The following HEATR5A variants were observed in gnomAD, a reference collection of about 807,000 sequenced individuals.
HEATR5A encodes the protein HEAT repeat-containing protein 5A.
In HEATR5A, 178 loss-of-function variants were observed where a neutral mutation model predicts 218.8. The observed-to-expected ratio is 0.81, with a 90% CI of 0.72 to 0.92. The LOEUF (loss-of-function observed/expected upper bound fraction) is 0.92, where lower values mean the gene tolerates loss of function less well. HEATR5A is among the 40% of genes least tolerant of loss of function. HEATR5A has a pLI of 0.00. For missense variants in HEATR5A, 2,420 were observed against 2,418.9 expected, an observed-to-expected ratio of 1.00 and a Z score of -0.01; for synonymous variants, 864 against 871.6, an observed-to-expected ratio of 0.99 and a Z score of 0.15.
At chr14:31,329,356 A>G (rs1280289936) in intron 22 of HEATR5A, among the ~76,000 whole-genome samples, 1 of 152,202 alleles carries the variant, frequency 6.6e-6, no homozygotes, top group Non-Finnish European at 1.5e-5. Context: ...GAGCCTGTAA[A>G]ATCAAAAGCA....
At chr14:31,401,098 C>T (rs1412904238) in intron 2 of HEATR5A, among the ~76,000 whole-genome samples, 1 of 152,106 alleles carries the variant, frequency 6.6e-6, no homozygotes, top group Non-Finnish European at 1.5e-5. Flanking sequence ...CTCGGCCTCC[C>T]AAAGTGCTGG....
chr14:31,412,789 G>A (rs1014701016), intron 1 of HEATR5A, among the ~76,000 whole-genome samples: 1 of 151,944 alleles, frequency 6.6e-6, no homozygotes, highest in Non-Finnish European at 1.5e-5. Flanking sequence ...CAGGAGAATC[G>A]CTTGAACCTG....
At chr14:31,397,173 T>C (rs1006131750) in intron 4 of HEATR5A, among the ~76,000 whole-genome samples, 2 of 152,292 alleles carry the variant, frequency 1.3e-5, no homozygotes, top group African/African-American at 4.8e-5. Flanking sequence ...CTTCTTAAAA[T>C]TTAACCTATT....
Position 31,418,281 on chromosome 14 carries a change from T to A in HEATR5A, c.-75+2191A>T, listed in dbSNP as rs118168015. Among the ~76,000 whole-genome samples, 71 of 152,286 alleles carry A rather than the reference T, an allele frequency of 4.7e-4. No homozygotes were observed. In the East Asian group the frequency reaches 7.9e-3, roughly 17 times the overall value. On this transcript the variant is annotated intron_variant, in intron 1 of 35. Transcript: ENST00000543095. Reference sequence around the variant, plus strand: ...TAATCTATTTCCTCCTACAAAAGATTTAGTGATTAAGCACTTAAGAGCTCT... The same window carrying A: ...TAATCTATTTCCTCCTACAAAAGATATAGTGATTAAGCACTTAAGAGCTCT...
chr14:31,387,351 G>A lies in HEATR5A; in HGVS notation c.958C>T (p.Leu320=), dbSNP rs1368158377. 2 of 1,613,118 alleles carry A rather than the reference G, an allele frequency of 1.2e-6. No homozygotes were observed. Among genetic ancestry groups the A allele is most frequent in the Non-Finnish European group, 1.7e-6 (2 of 1,179,278 alleles). Residue 320 remains leucine, a synonymous_variant, in exon 8 of 36, where the codon CTA becomes TTA. Transcript: ENST00000543095. Reference sequence around the variant, plus strand: ...TTTTTCTCTAGCCAAGCTCCTCCTAGTGTTGAAACAAATACCACATAAGCC... The same window carrying A: ...TTTTTCTCTAGCCAAGCTCCTCCTAATGTTGAAACAAATACCACATAAGCC... ...TQAYVVFVST[L]GGAWLEKNFA...
At chr14:31,379,243 G>A (rs1412585479) in intron 11 of HEATR5A, among the ~76,000 whole-genome samples, 2 of 138,328 alleles carry the variant, frequency 1.4e-5, no homozygotes, top group Admixed American at 7.5e-5. Flanking sequence ...CACTGCGCCC[G>A]AACTATTCAT....
At chr14:31,297,976 A>C (rs565443133) in intron 33 of HEATR5A, among the ~76,000 whole-genome samples, 9 of 152,176 alleles carry the variant, frequency 5.9e-5, no homozygotes, top group Non-Finnish European at 1.2e-4. Context: ...TGTTTAGTAA[A>C]AATGTCTTTA....
intron 24 of HEATR5A, among the ~76,000 whole-genome samples, chr14:31,322,708 A>G (rs569366583): frequency 6.6e-6 from 1 of 151,606 alleles, no homozygotes; most frequent in East Asian, 1.9e-4. Context: ...TGTCCCAGCT[A>G]CTCGGGAGGC....
chr14:31,397,534 C>T (rs759954276), intron 4 of HEATR5A, among the ~76,000 whole-genome samples: 17 of 151,940 alleles, frequency 1.1e-4, no homozygotes, highest in Admixed American at 2.0e-4. Flanking sequence ...TGGCACGCGC[C>T]TGTAATCCCA....
chr14:31,317,656 A>G (rs1255614898), intron 26 of HEATR5A, among the ~76,000 whole-genome samples: 3 of 152,212 alleles, frequency 2.0e-5, no homozygotes, highest in Non-Finnish European at 2.9e-5. Context: ...TTAAAATTGT[A>G]TATTGTATGG....
chr14:31,414,933 C>A (rs923248737), intron 1 of HEATR5A, among the ~76,000 whole-genome samples: 1 of 152,142 alleles, frequency 6.6e-6, no homozygotes, highest in Non-Finnish European at 1.5e-5. Flanking sequence ...CTCTGCCTCC[C>A]AGGTTCCAGT....
At chr14:31,310,553 T>C (rs961149645) in intron 28 of HEATR5A, among the ~76,000 whole-genome samples, 3 of 152,094 alleles carry the variant, frequency 2.0e-5, no homozygotes, top group African/African-American at 7.2e-5. Context: ...GGCAGGAGAA[T>C]TGCTTGAACC....
In HEATR5A at chr14:31,293,132, C is replaced by G. The variant is rs749175601; in HGVS notation, c.*173G>C. On this transcript the variant is annotated 3_prime_UTR_variant, in exon 36 of 36. Transcript: ENST00000543095. ...AAAACAAAACAAAACACAAACCCCA[C>G]GCACACACACAAAAATGTTAAGTAT... 4 of 499,778 alleles carry G rather than the reference C, an allele frequency of 8.0e-6. No individual in the cohort carries two copies. The highest frequency in any genetic ancestry group is 8.2e-5 in the South Asian group (2 of 24,532). The allele number at this position is 499,778 out of a possible 1,614,324, so 31.0% of individuals were successfully genotyped here.
Position 31,386,416 on chromosome 14 carries a change from A to G in HEATR5A, c.1345+4T>C, listed in dbSNP as rs181495378. The G allele has an allele frequency of 3.9e-3, 6,305 of 1,612,280 alleles. 29 individuals are homozygous for G. Among genetic ancestry groups the G allele is most frequent in the Non-Finnish European group, 3.9e-3 (4,641 of 1,178,762 alleles). On this transcript the variant is annotated splice_donor_region_variant and intron_variant, in intron 9 of 35. Transcript: ENST00000543095. Reference sequence around the variant, plus strand: ...GTATTCCAATGAGTCACAAACAGATATACCTGTACTTGAATCCTGTAGCAA... The same window carrying G: ...GTATTCCAATGAGTCACAAACAGATGTACCTGTACTTGAATCCTGTAGCAA...
At chr14:31,405,724 C>G (rs1328334796) in intron 1 of HEATR5A, among the ~76,000 whole-genome samples, 4 of 152,110 alleles carry the variant, frequency 2.6e-5, no homozygotes, top group Non-Finnish European at 4.4e-5. Context: ...CTTATTAATA[C>G]CAGGGCAAGT....
intron 22 of HEATR5A, 102 bp downstream of exon 22, chr14:31,337,374 G>T: frequency 1.1e-6 from 1 of 885,800 alleles, no homozygotes; most frequent in Non-Finnish European, 1.7e-6. Flanking sequence ...GCAGGTTTAA[G>T]ACATATTAAC....
intron 10 of HEATR5A, among the ~76,000 whole-genome samples, chr14:31,381,464 A>G (rs1027022544): frequency 2.6e-5 from 4 of 151,474 alleles, no homozygotes; most frequent in African/African-American, 7.3e-5. Flanking sequence ...GGGAGGACCA[A>G]TTGAGGCCAG....
At chr14:31,332,627 T>C (rs180869730) in intron 22 of HEATR5A, among the ~76,000 whole-genome samples, 1 of 152,228 alleles carries the variant, frequency 6.6e-6, no homozygotes, top group South Asian at 2.1e-4. Context: ...AAAAGGCTAC[T>C]CCAGTGAACA....
At position 31,389,254 on chromosome 14, in the gene HEATR5A, T is replaced by C. The variant is rs887160492; in HGVS notation, c.773-249A>G. ...TATGACTAAGATCATGACCTATTGCTTCCTTTCCTCAAAGAAGTTAAAAGG... is the reference window on the plus strand; with the variant it reads ...TATGACTAAGATCATGACCTATTGCCTCCTTTCCTCAAAGAAGTTAAAAGG... On this transcript the variant is annotated intron_variant, in intron 6 of 35. Coordinates refer to ENST00000543095, the MANE Select transcript of HEATR5A (RefSeq NM_015473.4). Among the ~76,000 whole-genome samples the C allele has an allele frequency of 3.3e-5, 5 of 152,312 alleles. No individual in the cohort carries two copies. The South Asian group carries it at 1.0e-3, about 32-fold the overall frequency.
Sources: allele counts gnomAD v4.1 joint callset (sites outside exome capture counted in the v4.1 genomes callset), GRCh38; gene constraint gnomAD v4.1.1; transcripts MANE v1.5; gene names NCBI Gene and HGNC (gene_info 2026-07-23, HGNC 2026-07-21).